Variants in FBXO16 observed in about 807,000 individuals in gnomAD.
The protein encoded by FBXO16 is F-box only protein 16.
Under a neutral mutation model 41.0 loss-of-function variants are expected in FBXO16, and 31 were observed. The observed-to-expected ratio is 0.76, with a 90% confidence interval of 0.57 to 1.02. The LOEUF is 1.02. FBXO16 is among the 50% of genes least tolerant of loss of function. The probability of loss-of-function intolerance (pLI) is 0.00; values close to 1 mark genes in which losing one functional copy is unlikely to be tolerated. For missense variants in FBXO16, 361 were observed against 346.2 expected (o/e 1.04, Z -0.34); for synonymous variants, 133 against 117.8 (o/e 1.13, Z -0.84).
chr8:28,489,605 T>G (rs1246904041), intron 1 of FBXO16, among the ~76,000 whole-genome samples: 1 of 150,468 alleles, frequency 6.6e-6, no homozygotes, highest in African/African-American at 2.5e-5. Flanking sequence ...GAGGCTGAGA[T>G]GGAAGGATTC....
In FBXO16 at chr8:28,463,787, C is replaced by T. The variant is rs1585910020; in HGVS notation, c.167G>A (p.Arg56Lys). 1.2e-6 allele frequency: 2 copies of T among 1,613,946 alleles called. No homozygotes were observed. The highest frequency in any genetic ancestry group is 1.7e-6 in the Non-Finnish European group (2 of 1,179,932). Residue 56 changes from arginine (R) to lysine (K), a missense_variant, in exon 4 of 9, where the codon AGA becomes AAA. Transcript: ENST00000380254. Reference protein sequence around the residue: ...FDKWTDSQRRRILTGLLERCS... With the variant: ...FDKWTDSQRRKILTGLLERCS... ...GCGCTCCAACAGGCCTGTGAGGATT[C>T]TTCTTCTTTGAGAGTCTGTCCATTT...
At chr8:28,479,804 T>C (rs949849558) in intron 2 of FBXO16, among the ~76,000 whole-genome samples, 2 of 151,938 alleles carry the variant, frequency 1.3e-5, no homozygotes, top group Non-Finnish European at 2.9e-5. Flanking sequence ...TACCCCAACC[T>C]CCAACTCCTG....
intron 3 of FBXO16, among the ~76,000 whole-genome samples, chr8:28,472,740 C>T (rs558859104): frequency 1.6e-4 from 25 of 152,068 alleles, no homozygotes; most frequent in Admixed American, 1.6e-3. Context: ...AGCAAAACTC[C>T]GTCTCAAAAA....
intron 7 of FBXO16, among the ~76,000 whole-genome samples, chr8:28,430,062 A>G (rs1802584467): frequency 6.6e-6 from 1 of 152,112 alleles, no homozygotes; most frequent in Non-Finnish European, 1.5e-5. Context: ...CTGCAAGCAA[A>G]ACTGAAATCT....
At chr8:28,446,908 C>T (rs1802873192) in intron 7 of FBXO16, 3 of 280,408 alleles carry the variant, frequency 1.1e-5, no homozygotes, top group South Asian at 1.4e-4. Context: ...TTATATCATA[C>T]AGTTTTCAAA....
At chr8:28,457,009 A>G in intron 4 of FBXO16, 79 bp from the exon 5 acceptor site, 1 of 1,496,642 alleles carries the variant, frequency 6.7e-7, no homozygotes, top group East Asian at 2.4e-5. Flanking sequence ...CTAGGTTTTG[A>G]GCTGTCATCC....
chr8:28,483,262 C>A, intron 2 of FBXO16, 86 bp downstream of exon 2: 1 of 1,201,546 alleles, frequency 8.3e-7, no homozygotes, highest in Non-Finnish European at 1.2e-6. Flanking sequence ...TAAATAATCC[C>A]TGTTCATATT....
At chr8:28,438,436 T>C (rs991365831) in intron 7 of FBXO16, among the ~76,000 whole-genome samples, 3 of 152,210 alleles carry the variant, frequency 2.0e-5, no homozygotes, top group Non-Finnish European at 4.4e-5. Context: ...TCTTGTTCTA[T>C]GGGCCAGGGC....
At chr8:28,439,456 G>A (rs13275553) in intron 7 of FBXO16, among the ~76,000 whole-genome samples, 93,294 of 151,680 alleles carry the variant, frequency 0.62, 29,081 homozygotes, top group East Asian at 0.82. Flanking sequence ...ATGAACACCC[G>A]GCCGTGCACA....
intron 4 of FBXO16, among the ~76,000 whole-genome samples, chr8:28,461,485 G>C (rs1304794677): frequency 1.3e-5 from 2 of 151,948 alleles, no homozygotes; most frequent in Admixed American, 6.6e-5. Context: ...ATATTCTAGA[G>C]ACATCTGCAT....
rs1260320014 is a variant in FBXO16 at position 28,456,867 on chromosome 8, A to G, written c.406T>C (p.Phe136Leu). The G allele has an allele frequency of 6.2e-7, 1 of 1,614,158 alleles. No individual in the cohort carries two copies. Among genetic ancestry groups the G allele is most frequent in the South Asian group, 1.1e-5 (1 of 91,080 alleles). ...DQLWMLKCLRFNWYINFSPTP... is the reference protein window; with the variant it reads ...DQLWMLKCLRLNWYINFSPTP... ...GGAGAGAAATTGATGTACCAGTTAA[A>G]CCGTAAACATTTCAGCATCCAGAGC... is the stretch of plus-strand genomic sequence containing the variant. Residue 136 changes from phenylalanine (F) to leucine (L), a missense_variant, in exon 5 of 9, where the codon TTT (phenylalanine) becomes CTT (leucine). By Grantham distance (22) the Phe-to-Leu change is conservative (BLOSUM62 0). Coordinates refer to ENST00000380254, the MANE Select transcript of FBXO16 (RefSeq NM_172366.4).
At chr8:28,444,188 A>T (rs542408877) in intron 7 of FBXO16, among the ~76,000 whole-genome samples, 13 of 152,150 alleles carry the variant, frequency 8.5e-5, no homozygotes, top group African/African-American at 3.1e-4. Context: ...TAGTGTAACA[A>T]ATTCACTCTA....
chr8:28,487,028 G>A lies in FBXO16; in HGVS notation c.-17+3158C>T, dbSNP rs1803613772. Among the ~76,000 whole-genome samples, 2 of 151,978 alleles carry A rather than the reference G, an allele frequency of 1.3e-5. 1 individual carries two copies. Among genetic ancestry groups the A allele is most frequent in the Non-Finnish European group, 2.9e-5 (2 of 67,962 alleles). ...CTTTCCAGTTTGTGTAGGAAACCAT[G>A]TGACTGATCCTAGGCACATCCTTCT... On this transcript the variant is annotated intron_variant, in intron 1 of 8. Coordinates refer to ENST00000380254, the MANE Select transcript of FBXO16 (RefSeq NM_172366.4).
intron 3 of FBXO16, among the ~76,000 whole-genome samples, chr8:28,471,485 G>A (rs1378667125): frequency 6.6e-6 from 1 of 151,024 alleles, no homozygotes; most frequent in Non-Finnish European, 1.5e-5. Context: ...TTATGTTACT[G>A]TCTTGTCCAT....
At chr8:28,463,184 G>A (rs1033114942) in intron 4 of FBXO16, among the ~76,000 whole-genome samples, 2 of 151,696 alleles carry the variant, frequency 1.3e-5, no homozygotes, top group Non-Finnish European at 2.9e-5. Flanking sequence ...GTGTGTATAT[G>A]TGTGTATGTT....
chr8:28,463,290 ATGTT>A (rs1271157629), intron 4 of FBXO16, among the ~76,000 whole-genome samples: 14 of 144,972 alleles, frequency 9.7e-5, no homozygotes, highest in African/African-American at 2.1e-4. Flanking sequence ...GTGTATATGT[ATGTT>A]TGTGTGTGTT....
intron 3 of FBXO16, among the ~76,000 whole-genome samples, chr8:28,465,015 C>A (rs928290138): frequency 4.6e-5 from 7 of 152,026 alleles, no homozygotes; most frequent in Admixed American, 4.6e-4. Flanking sequence ...ACACTGACTA[C>A]CTAAAAAGGC....
At chr8:28,463,569 G>C (rs1423411830) in intron 4 of FBXO16, 43 bp downstream of exon 4, 4 of 1,602,098 alleles carry the variant, frequency 2.5e-6, no homozygotes, top group Non-Finnish European at 3.4e-6. Flanking sequence ...AGTTTCCTAA[G>C]GCTGTCCTCA....
intron 4 of FBXO16, among the ~76,000 whole-genome samples, chr8:28,460,245 A>ATATATAT (rs1477457728): frequency 8.2e-5 from 7 of 85,442 alleles, no homozygotes; most frequent in Non-Finnish European, 1.4e-4. Context: ...ATATATATAT[A>ATATATAT]TTTTTTTTTT....
Sources: gnomAD v4.1 joint callset for allele counts (sites outside exome capture counted in the v4.1 genomes callset) on GRCh38, gnomAD v4.1.1 for gene constraint, MANE v1.5 for transcripts, NCBI Gene and HGNC (gene_info 2026-07-23, HGNC 2026-07-21) for gene names.